AFF3: variants seen among roughly 807,000 people sequenced by gnomAD.
AFF3 encodes the protein AF4/FMR2 family member 3.
In AFF3, 32 loss-of-function variants were observed where a neutral mutation model predicts 129.7. The observed-to-expected ratio is 0.25, with a 90% CI of 0.19 to 0.33. The LOEUF (loss-of-function observed/expected upper bound fraction) is 0.33. Among genes scored for constraint, AFF3 ranks in the 10% least tolerant of loss-of-function variants. The pLI, the probability that AFF3 is intolerant of heterozygous loss-of-function variation, is 1.00. For missense variants in AFF3, 1,373 were observed against 1,592.0 expected, an observed-to-expected ratio of 0.86 and a Z score of 2.34; for synonymous variants, 644 against 635.4, an observed-to-expected ratio of 1.01 and a Z score of -0.20.
chr2:99,951,482 G>A (rs373797200), intron 7 of AFF3, among the ~76,000 whole-genome samples: 1 of 151,988 alleles, frequency 6.6e-6, no homozygotes, highest in African/African-American at 2.4e-5. Flanking sequence ...AAATTGTATT[G>A]TACCTGCAGT....
intron 8 of AFF3, among the ~76,000 whole-genome samples, chr2:99,829,562 G>A (rs147436241): frequency 3.3e-5 from 5 of 152,348 alleles, no homozygotes; most frequent in Admixed American, 6.5e-5. Context: ...TTAGAGAAAT[G>A]CAAATCAAAA....
chr2:99,924,534 C>A (rs1177054811), intron 7 of AFF3, among the ~76,000 whole-genome samples: 1 of 152,140 alleles, frequency 6.6e-6, no homozygotes, highest in African/African-American at 2.4e-5. Flanking sequence ...ACCTTGTATG[C>A]AGTTAGTGGT....
chr2:99,659,851 A>ACC (rs1558712120), intron 12 of AFF3, among the ~76,000 whole-genome samples: 2 of 151,954 alleles, frequency 1.3e-5, no homozygotes, highest in East Asian at 3.9e-4. Flanking sequence ...GTGCGCAGAA[A>ACC]CCGCTGCTTC....
intron 15 of AFF3, among the ~76,000 whole-genome samples, chr2:99,591,963 C>T (rs948427773): frequency 6.6e-6 from 1 of 152,196 alleles, no homozygotes; most frequent in South Asian, 2.1e-4. Context: ...CAGCATCTGT[C>T]ATGGGGACCT....
chr2:100,051,458 T>C (rs774711260), intron 4 of AFF3, among the ~76,000 whole-genome samples: 2 of 152,062 alleles, frequency 1.3e-5, no homozygotes, highest in Admixed American at 6.5e-5. Flanking sequence ...AGGCTGAAAA[T>C]AGATATTCTG....
chr2:99,815,036 C>A lies in AFF3; in HGVS notation c.921+22441G>T, dbSNP rs567133681. 3.9e-5 allele frequency among the ~76,000 whole-genome samples: 6 copies of A among 151,904 alleles called. No individual in the cohort carries two copies. In the East Asian group the frequency reaches 1.2e-3, roughly 30 times the overall value. On this transcript the variant is annotated intron_variant, in intron 8 of 24. Transcript: ENST00000672756. Reference sequence around the variant, plus strand: ...GGCTGATTTTTGTATTAAAATGACACATTTTTGTCACTAAGAGTGACTGGA... The same window carrying A: ...GGCTGATTTTTGTATTAAAATGACAAATTTTTGTCACTAAGAGTGACTGGA...
rs137869498 is a variant in AFF3 at position 99,795,789 on chromosome 2, A to G, written c.921+41688T>C. Reference sequence around the variant, plus strand: ...CTTCTGCCCTCCAGGTGGTTGAAACATTAACTTCCTCTAGGTCTACACGGT... The same window carrying G: ...CTTCTGCCCTCCAGGTGGTTGAAACGTTAACTTCCTCTAGGTCTACACGGT... On this transcript the variant is annotated intron_variant, in intron 8 of 24. Transcript: ENST00000672756. Among the ~76,000 whole-genome samples the G allele has an allele frequency of 2.5e-3, 379 of 151,916 alleles. 1 individual carries two copies. The highest frequency in any genetic ancestry group is 8.8e-3 in the African/African-American group (366 of 41,410).
Position 99,702,786 on chromosome 2 carries a change from G to A in AFF3, c.1091+24291C>T, listed in dbSNP as rs375452739. 1.3e-4 allele frequency among the ~76,000 whole-genome samples: 20 copies of A among 152,308 alleles called. 1 individual carries two copies. In the South Asian group the frequency reaches 1.7e-3, roughly 13 times the overall value. ...GTTTCTTTAATGCTAAGGTCTGGGA[G>A]TTCTTTATATATTCCACATACAAGC... On this transcript the variant is annotated intron_variant, in intron 11 of 24. Transcript: ENST00000672756.
chr2:99,691,725 C>G (rs2104669385), intron 11 of AFF3, among the ~76,000 whole-genome samples: 1 of 152,308 alleles, frequency 6.6e-6, no homozygotes, highest in East Asian at 1.9e-4. Flanking sequence ...AAGTGTCACT[C>G]TGATGTCTCT....
At chr2:99,650,461 A>T (rs1685134307) in intron 12 of AFF3, among the ~76,000 whole-genome samples, 1 of 152,182 alleles carries the variant, frequency 6.6e-6, no homozygotes, top group African/African-American at 2.4e-5. Context: ...CAGGAGGCTG[A>T]GGCAAGAGAA....
intron 7 of AFF3, among the ~76,000 whole-genome samples, chr2:99,970,038 T>G (rs1255698823): frequency 6.6e-6 from 1 of 152,202 alleles, no homozygotes; most frequent in Non-Finnish European, 1.5e-5. Flanking sequence ...AGAAACAACA[T>G]ATCGCATAAT....
chr2:99,950,081 G>C (rs1025451253), intron 7 of AFF3, among the ~76,000 whole-genome samples: 1 of 152,066 alleles, frequency 6.6e-6, no homozygotes, highest in Non-Finnish European at 1.5e-5. Context: ...TCCAATCTCT[G>C]ACACTAGCTA....
At chr2:99,707,037 C>T (rs1208801810) in intron 11 of AFF3, 1 of 937,288 alleles carries the variant, frequency 1.1e-6, no homozygotes, top group Admixed American at 6.2e-5. Flanking sequence ...AGGCCATATT[C>T]CCCAGAATGT....
intron 4 of AFF3, among the ~76,000 whole-genome samples, chr2:100,042,253 C>T (rs1685497636): frequency 6.6e-6 from 1 of 152,216 alleles, no homozygotes; most frequent in Non-Finnish European, 1.5e-5. Flanking sequence ...AAATGTCACC[C>T]CACAGAGGGC....
At chr2:100,008,182 T>C (rs369521951) in intron 5 of AFF3, among the ~76,000 whole-genome samples, 41 of 152,308 alleles carry the variant, frequency 2.7e-4, no homozygotes, top group African/African-American at 8.7e-4. Flanking sequence ...AGTCTAAATA[T>C]CATTCTTGCC....
chr2:99,957,170 CGT>C (rs147671356), intron 7 of AFF3, among the ~76,000 whole-genome samples: 1,539 of 147,866 alleles, frequency 0.01, 55 homozygotes, highest in South Asian at 0.095. Context: ...TGTGCATGTA[CGT>C]GTGTGTGTGC....
intron 4 of AFF3, among the ~76,000 whole-genome samples, chr2:100,009,352 G>C (rs1682293635): frequency 6.6e-6 from 1 of 151,110 alleles, no homozygotes; most frequent in Non-Finnish European, 1.5e-5. Context: ...TTTTTGCATG[G>C]CTGTGTTTCT....
chr2:99,717,604 T>C (rs2104920163), intron 11 of AFF3, among the ~76,000 whole-genome samples: 1 of 152,380 alleles, frequency 6.6e-6, no homozygotes, highest in South Asian at 2.1e-4. Context: ...ATATCTTATA[T>C]ATTCTAGACA....
At chr2:99,971,406 A>G (rs917699707) in intron 7 of AFF3, among the ~76,000 whole-genome samples, 1 of 152,206 alleles carries the variant, frequency 6.6e-6, no homozygotes, top group Non-Finnish European at 1.5e-5. Context: ...AGTTCCCACT[A>G]TGGCCAGGAA....
Sources: allele counts gnomAD v4.1 joint callset (sites outside exome capture counted in the v4.1 genomes callset), GRCh38; gene constraint gnomAD v4.1.1; transcripts MANE v1.5; gene names NCBI Gene and HGNC (gene_info 2026-07-23, HGNC 2026-07-21).